The following PRELID2 variants were observed in gnomAD, a reference collection of about 807,000 sequenced individuals.
The protein encoded by PRELID2 is PRELI domain containing 2, also known as PRELI domain-containing protein 2.
Under a neutral mutation model 28.4 loss-of-function variants are expected in PRELID2, and 25 were observed. The observed-to-expected ratio is 0.88, with a 90% CI of 0.64 to 1.23. The LOEUF (loss-of-function observed/expected upper bound fraction) is 1.23, where lower values mean the gene tolerates loss of function less well. Ranked by LOEUF, PRELID2 falls within the 50% of genes most tolerant of loss-of-function variation. The probability of loss-of-function intolerance (pLI) is 0.00; values close to 1 mark genes in which losing one functional copy is unlikely to be tolerated. For missense variants in PRELID2, 201 were observed against 214.4 expected, an observed-to-expected ratio of 0.94 and a Z score of 0.39; for synonymous variants, 76 against 71.6, an observed-to-expected ratio of 1.06 and a Z score of -0.31.
At chr5:145,659,634 C>A (rs1207223287) in intron 1 of PRELID2, among the ~76,000 whole-genome samples, 1 of 152,172 alleles carries the variant, frequency 6.6e-6, no homozygotes, top group African/African-American at 2.4e-5. Flanking sequence ...TTCCCTGTTT[C>A]CTTCTTTGAA....
chr5:145,281,951 C>T, the PRELID2 span, among the ~76,000 whole-genome samples: 63 of 152,172 alleles, frequency 4.1e-4, no homozygotes, highest in African/African-American at 1.4e-3. Context: ...ATGATATCTA[C>T]CTTGCAGATT....
chr5:145,817,419 TTTTATATATATATA>T (rs1363007411), intron 4 of PRELID2, among the ~76,000 whole-genome samples: 9 of 43,196 alleles, frequency 2.1e-4, no homozygotes, highest in African/African-American at 7.2e-4. Flanking sequence ...AATAAGCTAG[TTTTATATATATATA>T]TATATATATA....
the PRELID2 span, among the ~76,000 whole-genome samples, chr5:145,428,532 C>T: frequency 7.6e-4 from 115 of 152,092 alleles, no homozygotes; most frequent in Admixed American, 1.6e-3. Context: ...GCTGGAAGGG[C>T]TACGGAGAAG....
chr5:145,694,765 T>A (rs184060702), intron 1 of PRELID2, among the ~76,000 whole-genome samples: 3 of 151,460 alleles, frequency 2.0e-5, no homozygotes, highest in Admixed American at 2.0e-4. Flanking sequence ...TTTCATATTA[T>A]GTAACATACT....
At chr5:145,750,331 A>G (rs1352097617) in intron 1 of PRELID2, among the ~76,000 whole-genome samples, 1 of 151,636 alleles carries the variant, frequency 6.6e-6, no homozygotes. Flanking sequence ...CACTATTGTT[A>G]CTCCCTCACA....
At chr5:145,408,510 GATAA>G in the PRELID2 span, among the ~76,000 whole-genome samples, 1 of 138,382 alleles carries the variant, frequency 7.2e-6, no homozygotes, top group Non-Finnish European at 1.6e-5. Context: ...AAAGTCTCTA[GATAA>G]ATAGATATAT....
the PRELID2 span, among the ~76,000 whole-genome samples, chr5:145,254,210 T>C: frequency 1.3e-5 from 2 of 152,326 alleles, no homozygotes; most frequent in East Asian, 3.9e-4. Flanking sequence ...TCATTTTATT[T>C]CTACTATGAC....
At chr5:145,291,317 C>G in the PRELID2 span, among the ~76,000 whole-genome samples, 1 of 116,410 alleles carries the variant, frequency 8.6e-6, no homozygotes, top group African/African-American at 3.7e-5. Context: ...AGCCTGGCAA[C>G]AGAGTGAGAC....
At chr5:145,728,196 G>T (rs1242071797) in intron 1 of PRELID2, among the ~76,000 whole-genome samples, 6 of 151,960 alleles carry the variant, frequency 3.9e-5, no homozygotes. Context: ...CATCTTTAGG[G>T]CACTGATCAG....
the PRELID2 span, among the ~76,000 whole-genome samples, chr5:145,279,541 A>G: frequency 6.6e-6 from 1 of 152,182 alleles, no homozygotes; most frequent in Non-Finnish European, 1.5e-5. Context: ...AAATACACAA[A>G]CCATTTAGCA....
intron 1 of PRELID2, among the ~76,000 whole-genome samples, chr5:145,824,261 C>T (rs1157918382): frequency 6.6e-6 from 1 of 152,102 alleles, no homozygotes; most frequent in Admixed American, 6.6e-5. Flanking sequence ...GGCAGGAAGT[C>T]TTATCCATGA....
At chr5:145,544,185 G>C (rs576122785) in intron 1 of PRELID2, among the ~76,000 whole-genome samples, 1 of 151,958 alleles carries the variant, frequency 6.6e-6, no homozygotes. Context: ...CAGAGTTCAC[G>C]CCCATGTCCA....
At chr5:145,549,370 C>T (rs1752813414) in intron 1 of PRELID2, among the ~76,000 whole-genome samples, 1 of 152,090 alleles carries the variant, frequency 6.6e-6, no homozygotes. Context: ...TCTTAGTGAT[C>T]CAGGTAGTAT....
the PRELID2 span, among the ~76,000 whole-genome samples, chr5:145,458,681 G>T: frequency 1.3e-5 from 2 of 152,146 alleles, no homozygotes; most frequent in African/African-American, 4.8e-5. Context: ...TGCTGAGGTT[G>T]AGTAGAAACC....
At chr5:145,234,522 T>C in the PRELID2 span, among the ~76,000 whole-genome samples, 1 of 152,082 alleles carries the variant, frequency 6.6e-6, no homozygotes, top group Non-Finnish European at 1.5e-5. Flanking sequence ...GTAAAAAATG[T>C]TGCATTCTAA....
intron 1 of PRELID2, among the ~76,000 whole-genome samples, chr5:145,697,283 T>C (rs929932534): frequency 1.3e-5 from 2 of 151,884 alleles, no homozygotes; most frequent in Non-Finnish European, 2.9e-5. Flanking sequence ...TGGAGTGCTA[T>C]TCATGCTTCT....
chr5:145,677,158 T>TC (rs1754836420), intron 1 of PRELID2, among the ~76,000 whole-genome samples: 1 of 147,052 alleles, frequency 6.8e-6, no homozygotes, highest in African/African-American at 2.5e-5. Flanking sequence ...TTTGGTTTTT[T>TC]TTTTTTTTTT....
At chr5:145,621,404 A>C (rs986788372) in intron 1 of PRELID2, among the ~76,000 whole-genome samples, 1 of 152,120 alleles carries the variant, frequency 6.6e-6, no homozygotes, top group African/African-American at 2.4e-5. Context: ...GCTGTATACA[A>C]AGAGATTTGA....
the PRELID2 span, among the ~76,000 whole-genome samples, chr5:145,380,816 C>T: frequency 6.6e-6 from 1 of 152,082 alleles, no homozygotes; most frequent in African/African-American, 2.4e-5. Flanking sequence ...TTTGCCCCCA[C>T]AAATGCCTAA....
Sources: gnomAD v4.1 joint callset for allele counts (sites outside exome capture counted in the v4.1 genomes callset) on GRCh38, gnomAD v4.1.1 for gene constraint, MANE v1.5 for transcripts, NCBI Gene and HGNC (gene_info 2026-07-23, HGNC 2026-07-21) for gene names.